The following BCAT2 variants were observed in gnomAD, a reference collection of about 807,000 sequenced individuals.
BCAT2 encodes branched chain amino acid transaminase 2.
In BCAT2, 44 loss-of-function variants were observed where a neutral mutation model predicts 52.9. The ratio of observed to expected loss-of-function variants is 0.83; its 90% CI spans 0.65 to 1.07. BCAT2 has a LOEUF of 1.07. Among genes scored for constraint, BCAT2 ranks in the 50% least tolerant of loss-of-function variants. The pLI, the probability that BCAT2 is intolerant of heterozygous loss-of-function variation, is 0.00. For missense variants in BCAT2, 478 were observed against 521.8 expected (o/e 0.92, Z 0.82); for synonymous variants, 215 against 217.1 (o/e 0.99, Z 0.08).
At chr19:48,796,257 C>G in intron 10 of BCAT2, 171 bp downstream of exon 10, 1 of 832,238 alleles carries the variant, frequency 1.2e-6, no homozygotes, top group Non-Finnish European at 1.9e-6. Flanking sequence ...AAGGGGTTTT[C>G]CAGGCCACAG....
At position 48,807,170 on chromosome 19, in the gene BCAT2, C is replaced by T. The variant is rs2034807183; in HGVS notation, c.25-96G>A. ...CTCCTGCACTTGGAGGTCCCACTGG[C>T]CTGCCTGTTCTGTCCCAGTTTCAGT... On this transcript the variant is annotated intron_variant, in intron 1 of 10. Transcript: ENST00000316273. This position sits in a 1 kb window ranked among gnomAD's most constrained non-coding sequence, Gnocchi z 4.6. 3 of 1,035,430 alleles carry T rather than the reference C, an allele frequency of 2.9e-6. No individual in the cohort carries two copies. The highest frequency in any genetic ancestry group is 4.3e-6 in the Non-Finnish European group (3 of 701,764). The allele number at this position is 1,035,430 out of a possible 1,614,324, so 64.1% of individuals were successfully genotyped here.
chr19:48,807,088 G>C lies in BCAT2; in HGVS notation c.25-14C>G, dbSNP rs773932638. The C allele has an allele frequency of 7.5e-6, 12 of 1,609,886 alleles. No individual in the cohort carries two copies. In the Admixed American group the frequency reaches 1.7e-4, roughly 22 times the overall value. On this transcript the variant is annotated splice_polypyrimidine_tract_variant and intron_variant, in intron 1 of 10. Coordinates refer to ENST00000316273, the MANE Select transcript of BCAT2 (RefSeq NM_001190.4). This position sits in a 1 kb window ranked among gnomAD's most constrained non-coding sequence, Gnocchi z 4.6. ...TCGTGCCCAGATCTGGGTGGAGAAA[G>C]AAGTGAGAGAGGGGGTGAGTGGGGC... is the stretch of plus-strand genomic sequence containing the variant.
intron 1 of BCAT2, among the ~76,000 whole-genome samples, chr19:48,809,023 C>G (rs567373312): frequency 1.1e-4 from 13 of 121,810 alleles, no homozygotes; most frequent in Admixed American, 4.5e-4. Flanking sequence ...TGGTGAGCTA[C>G]GATCACACTG....
rs370156243 is a variant in BCAT2 at position 48,795,107 on chromosome 19, G to GAAA, written c.*316_*318dup. The GAAA allele has an allele frequency of 6.3e-5, 27 of 428,986 alleles. 1 individual carries two copies. Among genetic ancestry groups the GAAA allele is most frequent in the African/African-American group, 4.8e-4 (24 of 49,558 alleles). The allele number at this position is 428,986 out of a possible 1,614,324, so 26.6% of individuals were successfully genotyped here. A position where few individuals can be genotyped will look rare whatever the true frequency, so the allele number is the denominator to read the frequency against. ...ATTTCAAAATTGCAGCAAAGACAGA[G>GAAA]AAAAAAAAATCAACGGCAGCACCAG... On this transcript the variant is annotated 3_prime_UTR_variant, in exon 11 of 11. Transcript: ENST00000316273.
intron 3 of BCAT2, among the ~76,000 whole-genome samples, chr19:48,804,552 A>G (rs1225212735): frequency 6.6e-6 from 1 of 152,090 alleles, no homozygotes; most frequent in Admixed American, 6.6e-5. Flanking sequence ...CTAAATAAAT[A>G]AATAAGAAAA....
chr19:48,804,753 A>C (rs1484931678), intron 3 of BCAT2, among the ~76,000 whole-genome samples: 1 of 152,022 alleles, frequency 6.6e-6, no homozygotes, highest in Admixed American at 6.6e-5. Flanking sequence ...CTGAAGAAAA[A>C]GTACTGGGTC....
At chr19:48,798,305 G>T (rs1373530372) in intron 6 of BCAT2, among the ~76,000 whole-genome samples, 1 of 152,118 alleles carries the variant, frequency 6.6e-6, no homozygotes. Context: ...GGGCTACCTG[G>T]ATGACTTTCT....
At chr19:48,804,551 TAAATAAGAAA>T (rs2034722500) in intron 3 of BCAT2, among the ~76,000 whole-genome samples, 1 of 151,660 alleles carries the variant, frequency 6.6e-6, no homozygotes, top group Non-Finnish European at 1.5e-5. Flanking sequence ...TCTAAATAAA[TAAATAAGAAA>T]AAATAAAATA....
In BCAT2 at chr19:48,796,720, T is replaced by G. The variant is rs965726019; in HGVS notation, c.925-2A>C. 2 of 1,609,704 alleles carry G rather than the reference T, an allele frequency of 1.2e-6. No homozygotes were observed. The highest frequency in any genetic ancestry group is 1.7e-6 in the Non-Finnish European group (2 of 1,178,550). On this transcript the variant is annotated splice_acceptor_variant, in intron 8 of 10. Coordinates refer to ENST00000316273, the MANE Select transcript of BCAT2 (RefSeq NM_001190.4). LOFTEE classifies it high-confidence loss of function. ...GCGCTCCACCACCCGGAACTCACCC[T>G]GCAGGGCAGTTGGCAGAGACACGTG...
At chr19:48,797,067 A>G (rs774445488) in intron 7 of BCAT2, 45 bp from the exon 8 acceptor site, 8 of 1,612,078 alleles carry the variant, frequency 5.0e-6, no homozygotes, top group Non-Finnish European at 6.8e-6. Flanking sequence ...CTCACCCCCT[A>G]GCACCGCCGT....
At position 48,806,836 on chromosome 19, in the gene BCAT2, A is replaced by T. The variant is rs529210704; in HGVS notation, c.100-119T>A. The T allele has an allele frequency of 9.9e-6, 14 of 1,407,400 alleles. No individual in the cohort carries two copies. In the East Asian group the frequency reaches 2.3e-4, roughly 24 times the overall value. 87.2% of individuals were successfully genotyped at this position (1,407,400 alleles called of 1,614,324 possible). Reference sequence around the variant, plus strand: ...GAAGAAGGACCTGTCACCCTGGAGGATTCTGGGACATGCAGTTTCATCCCT... The same window carrying T: ...GAAGAAGGACCTGTCACCCTGGAGGTTTCTGGGACATGCAGTTTCATCCCT... On this transcript the variant is annotated intron_variant, in intron 2 of 10. Coordinates refer to ENST00000316273, the MANE Select transcript of BCAT2 (RefSeq NM_001190.4).
Position 48,795,382 on chromosome 19 carries a change from A to G in BCAT2, c.*44T>C, listed in dbSNP as rs1231746544. On this transcript the variant is annotated 3_prime_UTR_variant, in exon 11 of 11. Coordinates refer to ENST00000316273, the MANE Select transcript of BCAT2 (RefSeq NM_001190.4). Reference sequence around the variant, plus strand: ...TGGTAGGGAGGCGAGTGCTGGCGTGACGAGATGCTACGGGTCGGTGGATCT... The same window carrying G: ...TGGTAGGGAGGCGAGTGCTGGCGTGGCGAGATGCTACGGGTCGGTGGATCT... 1.2e-6 allele frequency: 2 copies of G among 1,613,192 alleles called. No homozygotes were observed. Among genetic ancestry groups the G allele is most frequent in the East Asian group, 4.5e-5 (2 of 44,878 alleles).
At chr19:48,810,736 C>CTT (rs35945446) in intron 1 of BCAT2, 13,446 of 719,388 alleles carry the variant, frequency 0.019, 137 homozygotes, top group Admixed American at 0.06. Flanking sequence ...CCATGTTTCC[C>CTT]TTTTTTTTTT....
chr19:48,795,685 GCCAGGCCTC>G (rs2034494501), intron 10 of BCAT2, among the ~76,000 whole-genome samples: 8 of 152,178 alleles, frequency 5.3e-5, no homozygotes, highest in Non-Finnish European at 8.8e-5. Context: ...AGGAATTATG[GCCAGGCCTC>G]TAAGGCTCTT....
rs574661763 is a variant in BCAT2 at position 48,797,409 on chromosome 19, C to A, written c.696-76G>T. On this transcript the variant is annotated intron_variant, in intron 6 of 10. Coordinates refer to ENST00000316273, the MANE Select transcript of BCAT2 (RefSeq NM_001190.4). Reference sequence around the variant, plus strand: ...CAGCCCAGCCCCAGAGGAGGCTCATCCTACTCTCTCCCGTCTCCCTGCTCA... The same window carrying A: ...CAGCCCAGCCCCAGAGGAGGCTCATACTACTCTCTCCCGTCTCCCTGCTCA... 3.2e-6 allele frequency: 5 copies of A among 1,549,340 alleles called. No homozygotes were observed. In the African/African-American group the frequency reaches 6.8e-5, roughly 21 times the overall value.
chr19:48,801,582 T>C (rs1162084557), intron 3 of BCAT2, among the ~76,000 whole-genome samples: 1 of 151,814 alleles, frequency 6.6e-6, no homozygotes, highest in Non-Finnish European at 1.5e-5. Flanking sequence ...ATATATATAT[T>C]ACACCATAAA....
At position 48,800,214 on chromosome 19, in the gene BCAT2, C is replaced by CA. The variant is rs747124534; in HGVS notation, c.383dup (p.Arg129AlafsTer122). 1.2e-6 allele frequency: 2 copies of CA among 1,613,772 alleles called. No homozygotes were observed. Among genetic ancestry groups the CA allele is most frequent in the Non-Finnish European group, 1.7e-6 (2 of 1,180,018 alleles). On this transcript the variant is annotated frameshift_variant, in exon 4 of 11. Coordinates refer to ENST00000316273, the MANE Select transcript of BCAT2 (RefSeq NM_001190.4). LOFTEE classifies it high-confidence loss of function. The stretch of plus-strand genomic sequence containing the variant: ...GCAGGCACAGGCGCATGGCTGAGCG[C>CA]AGCATCCGGTCCATGTTGAGCCAGG...
chr19:48,810,385 A>C (rs2034892491), intron 1 of BCAT2, among the ~76,000 whole-genome samples: 2 of 152,200 alleles, frequency 1.3e-5, no homozygotes, highest in African/African-American at 4.8e-5. Flanking sequence ...GCACAGTCAG[A>C]AGGGATCGTC....
intron 1 of BCAT2, chr19:48,810,680 T>A: frequency 1.1e-6 from 1 of 919,298 alleles, no homozygotes; most frequent in Non-Finnish European, 1.4e-6. Flanking sequence ...GCTCCCCAAA[T>A]CACAACCTCC....
Sources: allele counts gnomAD v4.1 joint callset (sites outside exome capture counted in the v4.1 genomes callset), GRCh38; gene constraint gnomAD v4.1.1; non-coding constraint Gnocchi (gnomAD v3.1); transcripts MANE v1.5; gene names NCBI Gene and HGNC (gene_info 2026-07-23, HGNC 2026-07-21).